Variants in NRAP observed in about 807,000 individuals in gnomAD.
NRAP encodes nebulin related anchoring protein, also known as nebulin-related-anchoring protein.
A neutral mutation model predicts 225.9 loss-of-function variants in NRAP; 189 were observed. The ratio of observed to expected loss-of-function variants is 0.84; its 90% confidence interval spans 0.74 to 0.94. The LOEUF is 0.94. NRAP is among the 40% of genes least tolerant of loss of function. The pLI, the probability that NRAP is intolerant of heterozygous loss-of-function variation, is 0.00. For synonymous variants in NRAP, 769 were observed against 790.7 expected (o/e 0.97, Z 0.46); for missense variants, 2,176 against 2,168.7 (o/e 1.00, Z -0.07).
intron 14 of NRAP, among the ~76,000 whole-genome samples, 153 bp downstream of exon 14, chr10:113,640,074 T>C (rs1849109226): frequency 6.6e-6 from 1 of 152,238 alleles, no homozygotes; most frequent in Non-Finnish European, 1.5e-5. Flanking sequence ...AACTTCCTAG[T>C]GGAAAATAGA....
chr10:113,655,417 T>C (rs898506825), intron 4 of NRAP, among the ~76,000 whole-genome samples: 1 of 151,796 alleles, frequency 6.6e-6, no homozygotes, highest in African/African-American at 2.4e-5. Context: ...GGAATAATCC[T>C]GTCTATCAAT....
intron 18 of NRAP, among the ~76,000 whole-genome samples, chr10:113,631,199 C>T (rs960942806): frequency 2.0e-5 from 3 of 152,168 alleles, no homozygotes; most frequent in African/African-American, 4.8e-5. Flanking sequence ...CCCAGGGTCT[C>T]GACCAGTGTC....
chr10:113,642,998 C>T lies in NRAP; in HGVS notation c.1151G>A (p.Ser384Asn). 1 of 1,603,692 alleles carries T rather than the reference C, an allele frequency of 6.2e-7. No homozygotes were observed. Among genetic ancestry groups the T allele is most frequent in the Non-Finnish European group, 8.5e-7 (1 of 1,170,440 alleles). The change falls in exon 12 of 42, where the codon AGT becomes AAT. Residue 384 changes from serine to asparagine, a missense_variant. By Grantham distance (46) the Ser-to-Asn change is conservative. This residue lies in a region of NRAP where 1,708 missense variants were observed against 1,695.5 expected (regional missense o/e 1.01). Coordinates refer to ENST00000359988, the MANE Select transcript of NRAP (RefSeq NM_198060.4). ...KKDLESSRGH[S>N]INYCETPQFR... is the part of the protein sequence containing the mutation. ...TTGAGGTGTTTCACAGTAGTTGATA[C>T]TGTGACCTCTACTACTTTCCAGATC...
intron 18 of NRAP, among the ~76,000 whole-genome samples, chr10:113,631,203 C>A (rs1024317970): frequency 6.6e-6 from 1 of 152,190 alleles, no homozygotes; most frequent in African/African-American, 2.4e-5. Flanking sequence ...GGGTCTCGAC[C>A]AGTGTCTTGC....
chr10:113,600,189 G>A (rs868758280), intron 35 of NRAP, among the ~76,000 whole-genome samples: 2 of 70,592 alleles, frequency 2.8e-5, no homozygotes, highest in Non-Finnish European at 6.4e-5. Context: ...CTCTCTCTCT[G>A]GAGATGGGGT....
At chr10:113,590,122 TCA>T (rs1210912549) in intron 40 of NRAP, among the ~76,000 whole-genome samples, 1 of 152,174 alleles carries the variant, frequency 6.6e-6, no homozygotes, top group East Asian at 1.9e-4. Context: ...TCTCTGGGCT[TCA>T]GTTTCTTCCC....
At position 113,657,589 on chromosome 10, in the gene NRAP, T is replaced by A; in HGVS notation, c.256-15A>T. The A allele has an allele frequency of 7.5e-7, 1 of 1,338,484 alleles. No individual in the cohort carries two copies. The highest frequency in any genetic ancestry group is 1.2e-5 in the South Asian group (1 of 84,294). The allele number at this position is 1,338,484 out of a possible 1,614,324, so 82.9% of individuals were successfully genotyped here. A position where few individuals can be genotyped will look rare whatever the true frequency, so the allele number is the denominator to read the frequency against. On this transcript the variant is annotated splice_polypyrimidine_tract_variant and intron_variant, in intron 3 of 41. Transcript: ENST00000359988. ...TGGTCATGGATCTGCTCAAGGAAGA[T>A]GTTGTCAGTAATGTTTCCATCAGAA...
chr10:113,618,217 T>A (rs910719562), intron 25 of NRAP, among the ~76,000 whole-genome samples: 1 of 151,458 alleles, frequency 6.6e-6, no homozygotes, highest in Non-Finnish European at 1.5e-5. Flanking sequence ...ATTCTGAAAA[T>A]CTGTTTAAAT....
At chr10:113,610,708 A>T (rs1847275331) in intron 30 of NRAP, 145 bp from the exon 31 acceptor site, 1 of 574,914 alleles carries the variant, frequency 1.7e-6, no homozygotes, top group African/African-American at 1.9e-5. Context: ...GGATATATTA[A>T]ACTCAGCCAA....
Position 113,628,038 on chromosome 10 carries a change from T to C in NRAP, c.2145+879A>G, listed in dbSNP as rs1476110933. Among the ~76,000 whole-genome samples the C allele has an allele frequency of 2.6e-5, 4 of 152,178 alleles. No individual in the cohort carries two copies. The East Asian group carries it at 7.7e-4, about 29-fold the overall frequency. On this transcript the variant is annotated intron_variant, in intron 20 of 41. Transcript: ENST00000359988. ...CTTGGAAGATTCCAAACAAAGTTCCTGAAATAGTGACACTTCCAAACGAAA... is the reference window on the plus strand; with the variant it reads ...CTTGGAAGATTCCAAACAAAGTTCCCGAAATAGTGACACTTCCAAACGAAA...
intron 17 of NRAP, 79 bp downstream of exon 17, chr10:113,631,778 T>C: frequency 1.0e-6 from 1 of 982,348 alleles, no homozygotes; most frequent in Non-Finnish European, 1.6e-6. Context: ...TTAAGAGTCA[T>C]TATTTTTTTC....
At chr10:113,591,340 C>A (rs911597848) in intron 39 of NRAP, among the ~76,000 whole-genome samples, 1 of 152,228 alleles carries the variant, frequency 6.6e-6, no homozygotes, top group African/African-American at 2.4e-5. Flanking sequence ...AAGGGCCAGT[C>A]CCATTTTGAT....
intron 37 of NRAP, among the ~76,000 whole-genome samples, chr10:113,596,195 T>G (rs1383772416): frequency 2.0e-5 from 3 of 152,218 alleles, no homozygotes; most frequent in Non-Finnish European, 4.4e-5. Flanking sequence ...TAATACATGT[T>G]CAAGAAATTA....
In NRAP at chr10:113,662,660, T is replaced by A; in HGVS notation, c.255+19A>T. ...TCATTCTCCATACCCTCCATCCCAC[T>A]GAAAATTAAATAACTTACCCCACTG... On this transcript the variant is annotated intron_variant, in intron 3 of 41. Transcript: ENST00000359988. 1 of 1,305,150 alleles carries A rather than the reference T, an allele frequency of 7.7e-7. No individual in the cohort carries two copies. The highest frequency in any genetic ancestry group is 1.1e-6 in the Non-Finnish European group (1 of 897,934). The allele number at this position is 1,305,150 out of a possible 1,614,324, so 80.8% of individuals were successfully genotyped here.
rs747743476 is a variant in NRAP at position 113,640,295 on chromosome 10, C to A, written c.1360G>T (p.Asp454Tyr). The change falls in exon 14 of 42, where the codon GAC becomes TAC. Residue 454 changes from aspartate to tyrosine, a missense_variant. Physicochemically the swap from Asp to Tyr is radical, Grantham distance 160 (BLOSUM62 -3). Coordinates refer to ENST00000359988, the MANE Select transcript of NRAP (RefSeq NM_198060.4). ...YKADYKHDIV[D>Y]YNYPATLTPS... ...GTGAGAGTGGCTGGGTAGTTGTAGT[C>A]GACAATATCATGTTTATAATCAGCT... 1.2e-5 allele frequency: 20 copies of A among 1,600,028 alleles called. No individual in the cohort carries two copies. The highest frequency in any genetic ancestry group is 1.0e-5 in the Non-Finnish European group (12 of 1,173,374).
In NRAP at chr10:113,651,829, T is replaced by G; in HGVS notation, c.649A>C (p.Lys217Gln). ...TCACTTTGAAGCTGTGCCCCAGCCTTGCTCCGTAGCAGCTCAGGAGTATCC... is the reference window on the plus strand; with the variant it reads ...TCACTTTGAAGCTGTGCCCCAGCCTGGCTCCGTAGCAGCTCAGGAGTATCC... ...VVDTPELLRS[K>Q]AGAQLQSDVR... is the part of the protein sequence containing the mutation. The change falls in exon 7 of 42, where the codon AAG becomes CAG. Residue 217 changes from lysine (K) to glutamine (Q), a missense_variant. Lys to Gln is a moderately conservative substitution (Grantham distance 53). Transcript: ENST00000359988. 6.2e-7 allele frequency: 1 copy of G among 1,612,892 alleles called. No homozygotes were observed. The highest frequency in any genetic ancestry group is 1.3e-5 in the African/African-American group (1 of 75,002).
chr10:113,639,681 C>G (rs1015999674), intron 14 of NRAP, among the ~76,000 whole-genome samples: 2 of 152,070 alleles, frequency 1.3e-5, no homozygotes, highest in African/African-American at 4.8e-5. Flanking sequence ...AATCAGGAAA[C>G]AAGAAATTTA....
rs190780293 is a variant in NRAP, at chr10:113,622,216, C to A, written c.2458-36G>T. The A allele has an allele frequency of 1.7e-4, 247 of 1,448,240 alleles. No homozygotes were observed. The East Asian group carries it at 2.8e-3, about 17-fold the overall frequency. 89.7% of individuals were successfully genotyped at this position (1,448,240 alleles called of 1,614,324 possible). A position where few individuals can be genotyped will look rare whatever the true frequency, so the allele number is the denominator to read the frequency against. ...GGAATAGAGCAGGGATACATTAGAACCTCCTAAAGGAATTGTTAGGCTTCA... is the reference window on the plus strand; with the variant it reads ...GGAATAGAGCAGGGATACATTAGAAACTCCTAAAGGAATTGTTAGGCTTCA... On this transcript the variant is annotated intron_variant, in intron 23 of 41. Transcript: ENST00000359988.
chr10:113,612,087 G>A (rs1329383221), intron 30 of NRAP, 147 bp downstream of exon 30: 1 of 629,482 alleles, frequency 1.6e-6, no homozygotes, highest in South Asian at 2.0e-5. Flanking sequence ...GGATGTGCAG[G>A]AACTCTCAGA....
Sources: allele counts gnomAD v4.1 joint callset (sites outside exome capture counted in the v4.1 genomes callset), GRCh38; gene constraint gnomAD v4.1.1; regional missense constraint gnomAD v4.1.1; transcripts MANE v1.5; gene names NCBI Gene and HGNC (gene_info 2026-07-23, HGNC 2026-07-21).